RIMS2: variants seen among roughly 807,000 people sequenced by gnomAD.
RIMS2 encodes the protein regulating synaptic membrane exocytosis 2, also known as regulating synaptic membrane exocytosis protein 2.
In RIMS2, 59 loss-of-function variants were observed where a neutral mutation model predicts 174.4. The observed-to-expected ratio is 0.34, with a 90% CI of 0.27 to 0.42. The LOEUF is 0.42. Ranked by LOEUF, RIMS2 falls within the 10% of genes least tolerant of loss-of-function variation. RIMS2 has a pLI of 1.00. For missense variants in RIMS2, 1,620 were observed against 1,666.3 expected, an observed-to-expected ratio of 0.97 and a Z score of 0.48; for synonymous variants, 606 against 572.5, an observed-to-expected ratio of 1.06 and a Z score of -0.84.
intron 17 of RIMS2, among the ~76,000 whole-genome samples, chr8:103,999,716 A>G (rs2095301488): frequency 6.6e-6 from 1 of 151,626 alleles, no homozygotes; most frequent in Non-Finnish European, 1.5e-5. Flanking sequence ...AATAGTTTGT[A>G]TTTTCTTAGT....
intron 17 of RIMS2, among the ~76,000 whole-genome samples, chr8:104,002,516 G>C (rs560479260): frequency 6.6e-6 from 1 of 152,202 alleles, no homozygotes; most frequent in African/African-American, 2.4e-5. Context: ...TTTTTATTGA[G>C]AGCTGTGGAA....
intron 3 of RIMS2, among the ~76,000 whole-genome samples, chr8:103,825,467 TAGAGATGGG>T (rs2098783999): frequency 6.7e-6 from 1 of 149,686 alleles, no homozygotes; most frequent in African/African-American, 2.5e-5. Context: ...TTTTTTTTGT[TAGAGATGGG>T]GTTTCGCCAT....
At chr8:103,876,836 A>G (rs186228148) in intron 3 of RIMS2, among the ~76,000 whole-genome samples, 320 of 132,784 alleles carry the variant, frequency 2.4e-3, no homozygotes, top group Non-Finnish European at 4.0e-3. Context: ...GTATATATAT[A>G]TGTGTATATA....
chr8:104,156,999 A>C (rs1031620139), intron 19 of RIMS2, among the ~76,000 whole-genome samples: 1 of 152,234 alleles, frequency 6.6e-6, no homozygotes, highest in Non-Finnish European at 1.5e-5. Flanking sequence ...CTAACCCTAT[A>C]GGATATGGCA....
chr8:103,714,185 G>A (rs911091960), intron 2 of RIMS2, among the ~76,000 whole-genome samples: 121 of 152,182 alleles, frequency 8.0e-4, no homozygotes, highest in African/African-American at 2.6e-3. Flanking sequence ...GCACATAATG[G>A]GTCAGTGAAT....
intron 1 of RIMS2, among the ~76,000 whole-genome samples, chr8:103,597,376 T>C (rs530848568): frequency 6.6e-6 from 1 of 152,288 alleles, no homozygotes; most frequent in South Asian, 2.1e-4. Context: ...TTATTTTCTG[T>C]TGGCCTTGTT....
intron 1 of RIMS2, among the ~76,000 whole-genome samples, chr8:103,523,118 G>A (rs553905723): frequency 6.6e-6 from 1 of 151,722 alleles, no homozygotes; most frequent in East Asian, 1.9e-4. Flanking sequence ...ATGTGTGTGT[G>A]CATGTGTGTG....
intron 1 of RIMS2, among the ~76,000 whole-genome samples, chr8:103,649,660 T>TTC (rs2135783900): frequency 6.6e-6 from 1 of 151,730 alleles, no homozygotes; most frequent in African/African-American, 2.4e-5. Context: ...TTTTTTTTTT[T>TTC]CTTTCTGTTC....
chr8:104,210,702 A>G (rs1014085499), intron 19 of RIMS2, among the ~76,000 whole-genome samples: 2 of 152,204 alleles, frequency 1.3e-5, no homozygotes, highest in African/African-American at 2.4e-5. Flanking sequence ...GCAGTATCAC[A>G]GGGCCTTTCC....
rs1324233478 is a variant in RIMS2, at chr8:104,229,993, A to AT, written c.3335-14919dup. Among the ~76,000 whole-genome samples the AT allele has an allele frequency of 5.3e-5, 8 of 152,264 alleles. No individual in the cohort carries two copies. The East Asian group carries it at 1.4e-3, about 26-fold the overall frequency. On this transcript the variant is annotated intron_variant, in intron 19 of 23. Coordinates refer to ENST00000504942, the Ensembl canonical transcript of RIMS2. ...TGAAGTACCATTTTTTAAAATTTAGATTTTGTGCCGGCATGCTGGCTCACA... is the reference window on the plus strand; with the variant it reads ...TGAAGTACCATTTTTTAAAATTTAGATTTTTGTGCCGGCATGCTGGCTCACA...
At chr8:103,755,638 T>C (rs906356021) in intron 2 of RIMS2, among the ~76,000 whole-genome samples, 3 of 152,170 alleles carry the variant, frequency 2.0e-5, no homozygotes, top group Non-Finnish European at 4.4e-5. Flanking sequence ...TCACTTTTTT[T>C]CTCTAATCTT....
At chr8:103,530,324 A>T (rs1836422315) in intron 1 of RIMS2, among the ~76,000 whole-genome samples, 1 of 152,142 alleles carries the variant, frequency 6.6e-6, no homozygotes, top group Admixed American at 6.5e-5. Flanking sequence ...TAATTAATTA[A>T]AAAAGACAAA....
At chr8:103,861,852 T>A (rs1257267391) in intron 3 of RIMS2, among the ~76,000 whole-genome samples, 1 of 152,152 alleles carries the variant, frequency 6.6e-6, no homozygotes, top group East Asian at 1.9e-4. Context: ...AGTTGAGGTA[T>A]TTGAGTTCCA....
chr8:103,753,485 T>C (rs1288279969), intron 2 of RIMS2, among the ~76,000 whole-genome samples: 1 of 152,186 alleles, frequency 6.6e-6, no homozygotes, highest in Non-Finnish European at 1.5e-5. Context: ...TCTTTTTCTA[T>C]TGATTGGAAT....
chr8:103,559,471 G>C (rs1042927489), intron 1 of RIMS2: 3 of 309,202 alleles, frequency 9.7e-6, no homozygotes, highest in Non-Finnish European at 1.8e-5. Flanking sequence ...AAGCTGCAGA[G>C]TTTCCTGCTG....
intron 1 of RIMS2, among the ~76,000 whole-genome samples, chr8:103,521,611 G>A (rs951558889): frequency 6.6e-6 from 1 of 151,896 alleles, no homozygotes; most frequent in Admixed American, 6.6e-5. Flanking sequence ...AAATTTCATT[G>A]CAATTAAAAC....
At chr8:104,173,769 C>T (rs1441406258) in intron 19 of RIMS2, among the ~76,000 whole-genome samples, 3 of 150,532 alleles carry the variant, frequency 2.0e-5, no homozygotes, top group African/African-American at 4.9e-5. Context: ...GCTGGGACTA[C>T]AGGCACCCGC....
chr8:104,202,705 T>G (rs1218304586), intron 19 of RIMS2, among the ~76,000 whole-genome samples: 2 of 152,250 alleles, frequency 1.3e-5, no homozygotes, highest in Non-Finnish European at 2.9e-5. Flanking sequence ...CCAGTCATAT[T>G]GGGCTAGGGC....
At chr8:103,803,676 A>G (rs1052220021) in intron 3 of RIMS2, among the ~76,000 whole-genome samples, 2 of 152,178 alleles carry the variant, frequency 1.3e-5, no homozygotes, top group Admixed American at 6.5e-5. Flanking sequence ...TAGTTATATC[A>G]CATTGTATGA....
Sources: allele counts gnomAD v4.1 joint callset (sites outside exome capture counted in the v4.1 genomes callset), GRCh38; gene constraint gnomAD v4.1.1; transcripts MANE v1.5; gene names NCBI Gene and HGNC (gene_info 2026-07-23, HGNC 2026-07-21).